The following PLXNA4 variants were observed in gnomAD, a reference collection of about 807,000 sequenced individuals.
PLXNA4 encodes plexin A4, also known as plexin-A4.
PLXNA4 carries 44 observed loss-of-function variants against 191.8 expected under a neutral mutation model. That is an observed-to-expected ratio of 0.23 (90% CI 0.18 to 0.29). The LOEUF is 0.29. Among genes scored for constraint, PLXNA4 ranks in the 10% least tolerant of loss-of-function variants. The pLI, the probability that PLXNA4 is intolerant of heterozygous loss-of-function variation, is 1.00. For synonymous variants in PLXNA4, 1,082 were observed against 1,009.5 expected, an observed-to-expected ratio of 1.07 and a Z score of -1.36; for missense variants, 1,800 against 2,488.8, an observed-to-expected ratio of 0.72 and a Z score of 5.89.
At chr7:132,538,284 C>T (rs981890383) in intron 1 of PLXNA4, among the ~76,000 whole-genome samples, 19 of 152,124 alleles carry the variant, frequency 1.2e-4, no homozygotes, top group African/African-American at 4.6e-4. Flanking sequence ...CGGAGACACT[C>T]GGGCCCCATG....
upstream of PLXNA4, among the ~76,000 whole-genome samples, chr7:132,578,359 C>G (rs951363729): frequency 6.6e-6 from 1 of 152,138 alleles, no homozygotes; most frequent in Non-Finnish European, 1.5e-5. Context: ...CTAAAGGAGC[C>G]CATGGCTCTT....
At position 132,135,860 on chromosome 7, in the gene PLXNA4, TG is replaced by T. The variant is rs1795096409; in HGVS notation, c.5439-2662del. Among the ~76,000 whole-genome samples, 4 of 152,234 alleles carry T rather than the reference TG, an allele frequency of 2.6e-5. No homozygotes were observed. The East Asian group carries it at 7.7e-4, about 29-fold the overall frequency. On this transcript the variant is annotated intron_variant, in intron 30 of 31. Transcript: ENST00000321063. The stretch of plus-strand genomic sequence containing the variant: ...TGTCTCTTTCCTGTTCCCTTTGCAC[TG>T]GGGAGGCTGGATCAAATCAGGGCAC...
In PLXNA4 at chr7:132,227,655, G is replaced by A. The variant is rs540365120; in HGVS notation, c.1729-51C>T. ...GAAGGAGGAGGGTGAAATGGGAAAA[G>A]GACAGGTATGGAATAAAAAAAGAAA... On this transcript the variant is annotated intron_variant, in intron 6 of 31. Transcript: ENST00000321063. The A allele has an allele frequency of 4.3e-5, 70 of 1,609,770 alleles. No individual in the cohort carries two copies. The East Asian group carries it at 1.6e-3, about 36-fold the overall frequency.
chr7:132,133,297 C>G (rs1323952575), intron 30 of PLXNA4, 98 bp from the exon 31 acceptor site: 26 of 1,534,560 alleles, frequency 1.7e-5, no homozygotes, highest in East Asian at 2.3e-5. Flanking sequence ...ATGAGCTCAG[C>G]TTGCACTGCA....
intron 3 of PLXNA4, among the ~76,000 whole-genome samples, chr7:132,434,588 G>C (rs115237789): frequency 6.6e-6 from 1 of 152,134 alleles, no homozygotes; most frequent in Admixed American, 6.5e-5. Flanking sequence ...TATAATACTT[G>C]CTTCTTTCCA....
chr7:132,628,370 TTCTC>T (rs910875530), intron 2 of PLXNA4, among the ~76,000 whole-genome samples: 7 of 149,288 alleles, frequency 4.7e-5, no homozygotes, highest in African/African-American at 1.8e-4. Flanking sequence ...CTCTCTCTGT[TTCTC>T]TCTCTCTCTC....
chr7:132,217,397 G>A (rs1469393383), intron 9 of PLXNA4, among the ~76,000 whole-genome samples: 1 of 152,166 alleles, frequency 6.6e-6, no homozygotes, highest in Non-Finnish European at 1.5e-5. Flanking sequence ...ATAGGCCCTT[G>A]AATTTATAGC....
chr7:132,586,493 A>G (rs544949398), intron 2 of PLXNA4, among the ~76,000 whole-genome samples: 1 of 152,300 alleles, frequency 6.6e-6, no homozygotes, highest in Non-Finnish European at 1.5e-5. Flanking sequence ...GCTCACGCCT[A>G]TGATCCCAGA....
At chr7:132,254,540 G>A (rs1045925108) in intron 4 of PLXNA4, among the ~76,000 whole-genome samples, 5 of 152,196 alleles carry the variant, frequency 3.3e-5, no homozygotes, top group South Asian at 2.1e-4. Flanking sequence ...ATTAGGTGAC[G>A]ATTAAATCCT....
At chr7:132,422,490 T>C (rs1480146152) in intron 3 of PLXNA4, among the ~76,000 whole-genome samples, 1 of 152,268 alleles carries the variant, frequency 6.6e-6, no homozygotes, top group East Asian at 1.9e-4. Flanking sequence ...ACTTCCAAAA[T>C]CCATGAATGT....
chr7:132,400,866 G>A (rs1793956689), intron 3 of PLXNA4, among the ~76,000 whole-genome samples: 1 of 152,094 alleles, frequency 6.6e-6, no homozygotes, highest in South Asian at 2.1e-4. Context: ...ATTGCACAAA[G>A]AGAAAAAAAT....
At position 132,468,498 on chromosome 7, in the gene PLXNA4, T is replaced by A. The variant is rs142073192; in HGVS notation, c.1371+20794A>T. On this transcript the variant is annotated intron_variant, in intron 3 of 31. Coordinates refer to ENST00000321063, the MANE Select transcript of PLXNA4 (RefSeq NM_020911.2). Reference sequence around the variant, plus strand: ...AGAGCTGAGGTCAGGTGGGGAAGTCTTAGCCTTATGGTGAAAAACTAGAAC... The same window carrying A: ...AGAGCTGAGGTCAGGTGGGGAAGTCATAGCCTTATGGTGAAAAACTAGAAC... 8.5e-3 allele frequency among the ~76,000 whole-genome samples: 1,301 copies of A among 152,296 alleles called. 11 individuals are homozygous for A. The highest frequency in any genetic ancestry group is 0.034 in the Middle Eastern group (10 of 294).
Position 132,181,614 on chromosome 7 carries a change from C to T in PLXNA4, c.3259G>A (p.Glu1087Lys), listed in dbSNP as rs1429183165. 5.0e-6 allele frequency: 8 copies of T among 1,614,036 alleles called. No individual in the cohort carries two copies. Among genetic ancestry groups the T allele is most frequent in the East Asian group, 2.2e-5 (1 of 44,870 alleles). The change falls in exon 18 of 32, where the codon GAG (glutamate) becomes AAG (lysine). Residue 1087 changes from glutamate to lysine, a missense_variant. Glu to Lys is a moderately conservative substitution (Grantham distance 56). Coordinates refer to ENST00000321063, the MANE Select transcript of PLXNA4 (RefSeq NM_020911.2). ...GTCATCTCAGTAGCGTTCAGAACCT[C>T]ACAGATCTGTGGGAGGAGCCACAGA... ...HGGKEHINIC[E>K]VLNATEMTCQ...
At chr7:132,295,824 A>T (rs1210391715) in intron 4 of PLXNA4, among the ~76,000 whole-genome samples, 3 of 152,090 alleles carry the variant, frequency 2.0e-5, no homozygotes, top group Non-Finnish European at 4.4e-5. Flanking sequence ...TCCATTTAAC[A>T]AGCACTTACT....
chr7:132,270,308 TCA>T (rs1800017930), intron 4 of PLXNA4, among the ~76,000 whole-genome samples: 1 of 152,158 alleles, frequency 6.6e-6, no homozygotes, highest in South Asian at 2.1e-4. Flanking sequence ...AGGGAGAGAT[TCA>T]CAGACAATAG....
chr7:132,591,300 C>T (rs1802600016), intron 2 of PLXNA4, among the ~76,000 whole-genome samples: 1 of 152,160 alleles, frequency 6.6e-6, no homozygotes, highest in African/African-American at 2.4e-5. Flanking sequence ...GTTACTATCC[C>T]AGCCCTCATC....
chr7:132,497,117 C>CGCAT (rs1240933353), intron 2 of PLXNA4, among the ~76,000 whole-genome samples: 11 of 82,768 alleles, frequency 1.3e-4, no homozygotes, highest in Non-Finnish European at 1.9e-4. Flanking sequence ...CACTTGTGCA[C>CGCAT]GCACGCACAC....
intron 29 of PLXNA4, among the ~76,000 whole-genome samples, chr7:132,142,912 G>A (rs796616249): frequency 4.6e-5 from 7 of 152,160 alleles, no homozygotes; most frequent in Non-Finnish European, 1.0e-4. Flanking sequence ...TATGCTTCCC[G>A]GTCCTCAAGC....
In PLXNA4 at chr7:132,217,033, G is replaced by T. The variant is rs551105889; in HGVS notation, c.2098-5890C>A. On this transcript the variant is annotated intron_variant, in intron 9 of 31. Transcript: ENST00000321063. ...ACATTCTGCAGTTCTAAGAATGCAG[G>T]GGGGTGAGAAGTGGCAGCAGCTCGA... is the stretch of plus-strand genomic sequence containing the variant. Among the ~76,000 whole-genome samples, 9 of 152,310 alleles carry T rather than the reference G, an allele frequency of 5.9e-5. No individual in the cohort carries two copies. The East Asian group carries it at 9.7e-4, about 16-fold the overall frequency.
Sources: gnomAD v4.1 joint callset for allele counts (sites outside exome capture counted in the v4.1 genomes callset) on GRCh38, gnomAD v4.1.1 for gene constraint, MANE v1.5 for transcripts, NCBI Gene and HGNC (gene_info 2026-07-23, HGNC 2026-07-21) for gene names.